Variants in CPNE3 observed in about 807,000 individuals in gnomAD.
CPNE3 encodes copine-3.
In CPNE3, 68 loss-of-function variants were observed where a neutral mutation model predicts 63.9. The ratio of observed to expected loss-of-function variants is 1.06; its 90% confidence interval spans 0.87 to 1.30. CPNE3 has a LOEUF of 1.30. Among genes scored for constraint, CPNE3 ranks in the 50% most tolerant of loss-of-function variants. CPNE3 has a pLI of 0.00. For missense variants in CPNE3, 665 were observed against 578.1 expected (o/e 1.15, Z -1.54); for synonymous variants, 219 against 197.5 (o/e 1.11, Z -0.91).
At position 86,551,210 on chromosome 8, in the gene CPNE3, AACCCATCCAATCCCT is replaced by A. The variant is rs1240042477; in HGVS notation, c.1099_1113del (p.Pro367_Tyr371del). On this transcript the variant is annotated inframe_deletion, in exon 14 of 17. Coordinates refer to ENST00000517490, the MANE Select transcript of CPNE3 (RefSeq NM_003909.5). ...ATCACATGAATTTCCAATGAACTTCAACCCATCCAATCCCTACTGCAATGGTAAGTTAAAAAATAA... is the reference window on the plus strand; with the variant it reads ...ATCACATGAATTTCCAATGAACTTCAACTGCAATGGTAAGTTAAAAAATAA... The A allele has an allele frequency of 1.9e-6, 3 of 1,609,044 alleles. No individual in the cohort carries two copies. Among genetic ancestry groups the A allele is most frequent in the Non-Finnish European group, 2.6e-6 (3 of 1,175,538 alleles).
rs1202484669 is a variant in CPNE3 at position 86,532,584 on chromosome 8, G to A, written c.459+4G>A. 2 of 1,608,010 alleles carry A rather than the reference G, an allele frequency of 1.2e-6. No homozygotes were observed. Among genetic ancestry groups the A allele is most frequent in the African/African-American group, 2.7e-5 (2 of 74,536 alleles). On this transcript the variant is annotated splice_donor_region_variant and intron_variant, in intron 6 of 16. Transcript: ENST00000517490. ...AGCCAGAAAACTGGATAATAAGGTG[G>A]GTAGACTATGCAGATTTCAAAAAGG...
At chr8:86,522,640 T>C (rs899814984) in intron 2 of CPNE3, among the ~76,000 whole-genome samples, 41 of 148,684 alleles carry the variant, frequency 2.8e-4, no homozygotes, top group Non-Finnish European at 5.9e-5. Flanking sequence ...CTAGGGTGTG[T>C]TTTGCTGATG....
intron 6 of CPNE3, among the ~76,000 whole-genome samples, chr8:86,532,987 G>A (rs940786562): frequency 4.6e-5 from 7 of 151,908 alleles, no homozygotes; most frequent in African/African-American, 9.7e-5. Flanking sequence ...CAACAATTTA[G>A]TATATAGCAT....
intron 2 of CPNE3, among the ~76,000 whole-genome samples, chr8:86,521,320 C>T (rs1240088645): frequency 1.3e-5 from 2 of 152,160 alleles, no homozygotes; most frequent in East Asian, 3.8e-4. Flanking sequence ...CATTCCAGTT[C>T]TTCCATTCTT....
At chr8:86,547,807 TC>T (rs1181531375) in intron 11 of CPNE3, 37 bp downstream of exon 11, 9 of 931,806 alleles carry the variant, frequency 9.7e-6, no homozygotes, top group Non-Finnish European at 1.2e-5. Flanking sequence ...ATAGGCTTTT[TC>T]CTCCATGTTG....
At chr8:86,529,503 C>T (rs1256095229) in intron 4 of CPNE3, among the ~76,000 whole-genome samples, 3 of 152,064 alleles carry the variant, frequency 2.0e-5, no homozygotes, top group African/African-American at 7.3e-5. Flanking sequence ...CCTGCTGACT[C>T]GCAATGCCCC....
intron 12 of CPNE3, among the ~76,000 whole-genome samples, chr8:86,550,498 A>G (rs1821150021): frequency 6.6e-6 from 1 of 152,236 alleles, no homozygotes; most frequent in Non-Finnish European, 1.5e-5. Context: ...ATGGCGGAAC[A>G]TTGGCTATCA....
intron 15 of CPNE3, among the ~76,000 whole-genome samples, chr8:86,555,586 T>A (rs891935678): frequency 2.0e-5 from 3 of 152,238 alleles, no homozygotes; most frequent in African/African-American, 7.2e-5. Context: ...CTACTTGATG[T>A]AACATTTTAC....
At chr8:86,552,076 C>A (rs1270208151) in intron 14 of CPNE3, among the ~76,000 whole-genome samples, 8 of 152,186 alleles carry the variant, frequency 5.3e-5, no homozygotes. Flanking sequence ...ATATATCAGA[C>A]TAAAGAGTTT....
intron 14 of CPNE3, 50 bp downstream of exon 14, chr8:86,551,284 C>A: frequency 8.1e-7 from 1 of 1,237,010 alleles, no homozygotes; most frequent in Non-Finnish European, 1.2e-6. Context: ...GCTCACTAGT[C>A]TTTGTTATTT....
chr8:86,533,532 A>T (rs1453840641), intron 6 of CPNE3, among the ~76,000 whole-genome samples: 1 of 152,136 alleles, frequency 6.6e-6, no homozygotes, highest in Non-Finnish European at 1.5e-5. Context: ...CTCAAGTAAA[A>T]ACAAAAACAA....
intron 2 of CPNE3, among the ~76,000 whole-genome samples, chr8:86,524,003 TC>T (rs1820487436): frequency 6.6e-6 from 1 of 152,184 alleles, no homozygotes; most frequent in South Asian, 2.1e-4. Flanking sequence ...CACTTTTTAA[TC>T]AGAAGTGATA....
In CPNE3 at chr8:86,559,175, C is replaced by T. The variant is rs1482206690; in HGVS notation, c.*765C>T. 6.6e-6 allele frequency: 1 copy of T among 151,792 alleles called. No individual in the cohort carries two copies. The highest frequency in any genetic ancestry group is 1.5e-5 in the Non-Finnish European group (1 of 67,972). The allele number at this position is 151,792 out of a possible 1,614,324, so 9.4% of individuals were successfully genotyped here. On this transcript the variant is annotated 3_prime_UTR_variant, in exon 17 of 17. Transcript: ENST00000517490. ...TTTTTTTTTCATTAACTGAGCAAGA[C>T]TTTCAGGATATTGTAGATGCACAGA...
chr8:86,540,884 A>AT (rs1337117169), intron 8 of CPNE3, among the ~76,000 whole-genome samples: 5 of 152,248 alleles, frequency 3.3e-5, no homozygotes, highest in Admixed American at 2.6e-4. Context: ...AGATGTCAGT[A>AT]TTTTTTTAAA....
chr8:86,539,900 G>A (rs1820893621), intron 7 of CPNE3, among the ~76,000 whole-genome samples: 1 of 151,962 alleles, frequency 6.6e-6, no homozygotes, highest in South Asian at 2.1e-4. Context: ...CCTGACCTCA[G>A]ATGATCTGCC....
chr8:86,520,590 A>C (rs1004407065), intron 2 of CPNE3, among the ~76,000 whole-genome samples: 6 of 152,006 alleles, frequency 3.9e-5, no homozygotes, highest in Non-Finnish European at 8.8e-5. Flanking sequence ...AAAAAACCTG[A>C]AGCCTGGAGA....
rs2131515423 is a variant in CPNE3 at position 86,560,556 on chromosome 8, T to C, written c.*2146T>C. 1 of 151,528 alleles carries C rather than the reference T, an allele frequency of 6.6e-6. No individual in the cohort carries two copies. The highest frequency in any genetic ancestry group is 2.4e-5 in the African/African-American group (1 of 41,200). 9.4% of individuals were successfully genotyped at this position (151,528 alleles called of 1,614,324 possible). ...CAATTGGATTTGGTCTTCATTATTT[T>C]ATATTCTGATTTTATCAGAATTATT... On this transcript the variant is annotated 3_prime_UTR_variant, in exon 17 of 17. Transcript: ENST00000517490.
chr8:86,537,298 A>G (rs571885557), intron 6 of CPNE3, among the ~76,000 whole-genome samples: 1 of 152,338 alleles, frequency 6.6e-6, no homozygotes, highest in African/African-American at 2.4e-5. Context: ...ATATTTGACC[A>G]CTGTATTTTA....
intron 8 of CPNE3, among the ~76,000 whole-genome samples, chr8:86,541,652 C>T (rs564413602): frequency 3.6e-3 from 527 of 145,958 alleles, no homozygotes; most frequent in African/African-American, 0.013. Context: ...CTCAGTAAGC[C>T]AATATTGCTT....
Sources: allele counts gnomAD v4.1 joint callset (sites outside exome capture counted in the v4.1 genomes callset), GRCh38; gene constraint gnomAD v4.1.1; transcripts MANE v1.5; gene names NCBI Gene and HGNC (gene_info 2026-07-23, HGNC 2026-07-21).